The following RCOR1 variants were observed in gnomAD, a reference collection of about 807,000 sequenced individuals.
RCOR1 encodes REST corepressor.
Under a neutral mutation model 64.0 loss-of-function variants are expected in RCOR1, and 12 were observed. The ratio of observed to expected loss-of-function variants is 0.19; its 90% CI spans 0.12 to 0.30. The LOEUF (loss-of-function observed/expected upper bound fraction) is 0.30. RCOR1 is among the 10% of genes least tolerant of loss of function. The pLI is 1.00. For synonymous variants in RCOR1, 279 were observed against 227.2 expected (o/e 1.23, Z -2.05); for missense variants, 502 against 621.2 (o/e 0.81, Z 2.04).
chr14:102,704,802 GACA>G (rs1057148045), intron 4 of RCOR1, among the ~76,000 whole-genome samples: 9 of 152,104 alleles, frequency 5.9e-5, no homozygotes, highest in African/African-American at 2.2e-4. Flanking sequence ...TTCCATCCTG[GACA>G]ACATGGCAAA....
chr14:102,649,677 G>C (rs746408778), intron 2 of RCOR1: 28 of 441,622 alleles, frequency 6.3e-5, no homozygotes, highest in Non-Finnish European at 8.1e-5. Flanking sequence ...CACTGAAGCA[G>C]TTCTGTGGGG....
chr14:102,662,307 T>G, intron 2 of RCOR1: 1 of 555,728 alleles, frequency 1.8e-6, no homozygotes, highest in Non-Finnish European at 3.5e-6. Flanking sequence ...AACGTATGCC[T>G]CCTTCTCTCC....
At chr14:102,645,670 G>T (rs987477548) in intron 2 of RCOR1, among the ~76,000 whole-genome samples, 8 of 152,158 alleles carry the variant, frequency 5.3e-5, no homozygotes, top group African/African-American at 1.9e-4. Context: ...GCCAAAATCT[G>T]TTCCTTAGTC....
At position 102,594,944 on chromosome 14, in the gene RCOR1, C is replaced by T. The variant is rs1046516200; in HGVS notation, c.361+1619C>T. Among the ~76,000 whole-genome samples the T allele has an allele frequency of 2.0e-5, 3 of 152,048 alleles. No individual in the cohort carries two copies. In the East Asian group the frequency reaches 5.8e-4, roughly 29 times the overall value. ...GAGTAAGTTGGTAGGCTTTTTGATA[C>T]ATTTTTGTTAACATAAATTTTGAAA... On this transcript the variant is annotated intron_variant, in intron 2 of 11. Coordinates refer to ENST00000262241, the MANE Select transcript of RCOR1 (RefSeq NM_015156.4).
At chr14:102,708,356 A>T (rs146293678) in intron 5 of RCOR1, 109 bp from the exon 6 acceptor site, 1 of 669,260 alleles carries the variant, frequency 1.5e-6, no homozygotes, top group Non-Finnish European at 2.7e-6. Flanking sequence ...TGCCTTAGCC[A>T]CCCAAAGTGC....
chr14:102,688,504 A>C (rs1895466965), intron 3 of RCOR1, among the ~76,000 whole-genome samples: 1 of 152,164 alleles, frequency 6.6e-6, no homozygotes, highest in Admixed American at 6.5e-5. Context: ...GAAGAGGTTT[A>C]TTGGTGGTAG....
intron 2 of RCOR1, among the ~76,000 whole-genome samples, chr14:102,678,863 C>T (rs1298090479): frequency 6.6e-6 from 1 of 152,182 alleles, no homozygotes; most frequent in African/African-American, 2.4e-5. Context: ...CTTTAATTTA[C>T]ATTTTCCTAA....
intron 4 of RCOR1, among the ~76,000 whole-genome samples, chr14:102,704,159 A>G (rs1181239058): frequency 6.6e-6 from 1 of 152,144 alleles, no homozygotes. Context: ...TGCTGTCATG[A>G]CCAAAGAGGA....
intron 7 of RCOR1, among the ~76,000 whole-genome samples, chr14:102,712,640 G>C (rs570419320): frequency 2.7e-5 from 4 of 146,762 alleles, no homozygotes; most frequent in South Asian, 2.1e-4. Context: ...TTGAGTCAAC[G>C]TGTTCTAGAT....
At chr14:102,665,365 A>G (rs890873233) in intron 2 of RCOR1, among the ~76,000 whole-genome samples, 4 of 150,506 alleles carry the variant, frequency 2.7e-5, no homozygotes, top group African/African-American at 7.4e-5. Context: ...GCCTTGCCCA[A>G]CTACAGGCTA....
At chr14:102,710,506 A>C (rs138343879) in intron 6 of RCOR1, among the ~76,000 whole-genome samples, 12 of 152,110 alleles carry the variant, frequency 7.9e-5, no homozygotes, top group Non-Finnish European at 1.3e-4. Flanking sequence ...GGATTTTTTT[A>C]CTGTTAGCAG....
chr14:102,642,243 C>CTTTG (rs3069237), intron 2 of RCOR1, among the ~76,000 whole-genome samples: 120,651 of 151,704 alleles, frequency 0.8, 48,233 homozygotes, highest in Middle Eastern at 0.87. Context: ...GAATAAACTT[C>CTTTG]TTTGACGGTA....
intron 2 of RCOR1, among the ~76,000 whole-genome samples, chr14:102,635,645 A>T (rs1435651817): frequency 2.6e-5 from 4 of 152,176 alleles, no homozygotes; most frequent in Admixed American, 6.5e-5. Context: ...CCATAATTTG[A>T]CGCAAGTTGA....
chr14:102,631,997 A>G (rs939794252), intron 2 of RCOR1, among the ~76,000 whole-genome samples: 11 of 151,078 alleles, frequency 7.3e-5, no homozygotes, highest in Admixed American at 2.6e-4. Flanking sequence ...TTTAGTAGAG[A>G]CGGGGTTTCA....
At chr14:102,645,225 T>C (rs975515633) in intron 2 of RCOR1, among the ~76,000 whole-genome samples, 3 of 152,202 alleles carry the variant, frequency 2.0e-5, no homozygotes, top group African/African-American at 4.8e-5. Context: ...GATCTTAAAA[T>C]CCTTAGAAGG....
chr14:102,616,874 G>T (rs903445927), intron 2 of RCOR1, among the ~76,000 whole-genome samples: 16 of 152,134 alleles, frequency 1.1e-4, no homozygotes, highest in African/African-American at 3.9e-4. Flanking sequence ...TAAAAGTTCA[G>T]TCCCTCTCCC....
chr14:102,627,850 T>A (rs1894012866), intron 2 of RCOR1, among the ~76,000 whole-genome samples: 1 of 152,220 alleles, frequency 6.6e-6, no homozygotes, highest in Non-Finnish European at 1.5e-5. Flanking sequence ...TTTGCAGTCT[T>A]CACCTTATTT....
At chr14:102,598,478 C>T (rs1254829532) in intron 2 of RCOR1, among the ~76,000 whole-genome samples, 4 of 136,356 alleles carry the variant, frequency 2.9e-5, no homozygotes, top group Admixed American at 1.6e-4. Flanking sequence ...GACGGTGTCT[C>T]GCTCTGTTGT....
rs576087694 is a variant in RCOR1 at position 102,646,438 on chromosome 14, G to A, written c.362-35457G>A. Among the ~76,000 whole-genome samples the A allele has an allele frequency of 6.6e-5, 10 of 152,292 alleles. No homozygotes were observed. In the South Asian group the frequency reaches 2.1e-3, roughly 32 times the overall value. On this transcript the variant is annotated intron_variant, in intron 2 of 11. Transcript: ENST00000262241. ...CAAATTTGAAAAAACAAAAAAGCTT[G>A]AAGAGCTAAGAGAAAATGCATGACA...
Sources: allele counts gnomAD v4.1 joint callset (sites outside exome capture counted in the v4.1 genomes callset), GRCh38; gene constraint gnomAD v4.1.1; transcripts MANE v1.5; gene names NCBI Gene and HGNC (gene_info 2026-07-23, HGNC 2026-07-21).